The following NMNAT2 variants were observed in gnomAD, a reference collection of about 807,000 sequenced individuals.
NMNAT2 encodes the protein nicotinamide/nicotinic acid mononucleotide adenylyltransferase 2.
NMNAT2 carries 11 observed loss-of-function variants against 41.6 expected under a neutral mutation model. That is an observed-to-expected ratio of 0.26 (90% CI 0.17 to 0.44). The LOEUF is 0.44. NMNAT2 is among the 20% of genes least tolerant of loss of function. NMNAT2 has a pLI of 1.00. For missense variants in NMNAT2, 288 were observed against 407.7 expected, an observed-to-expected ratio of 0.71 and a Z score of 2.53; for synonymous variants, 148 against 151.2, an observed-to-expected ratio of 0.98 and a Z score of 0.16.
At chr1:183,405,628 T>G (rs780359839) in intron 1 of NMNAT2, among the ~76,000 whole-genome samples, 1 of 152,220 alleles carries the variant, frequency 6.6e-6, no homozygotes, top group Non-Finnish European at 1.5e-5. Flanking sequence ...AAACTAAGAC[T>G]TTAAGACATG....
chr1:183,341,748 C>CACAAAAAA (rs369432128), intron 1 of NMNAT2, among the ~76,000 whole-genome samples: 1 of 79,794 alleles, frequency 1.3e-5, no homozygotes, highest in African/African-American at 4.4e-5. Flanking sequence ...AAAAAAAAAA[C>CACAAAAAA]CTGTTTCCTT....
intron 1 of NMNAT2, among the ~76,000 whole-genome samples, chr1:183,353,162 G>A (rs535068131): frequency 1.1e-3 from 163 of 152,090 alleles, no homozygotes; most frequent in Non-Finnish European, 8.4e-4. Flanking sequence ...GCCTGCCATC[G>A]TGCCCGGCTA....
intron 7 of NMNAT2, among the ~76,000 whole-genome samples, chr1:183,278,897 C>T (rs1174012010): frequency 6.6e-6 from 1 of 152,158 alleles, no homozygotes; most frequent in Non-Finnish European, 1.5e-5. Context: ...ATCGACTGCC[C>T]TGGCTTTCCC....
intron 10 of NMNAT2, among the ~76,000 whole-genome samples, chr1:183,256,368 C>T (rs1229578209): frequency 6.6e-6 from 1 of 152,004 alleles, no homozygotes; most frequent in African/African-American, 2.4e-5. Context: ...GAGATTGTGC[C>T]ACTGCACTCC....
intron 1 of NMNAT2, among the ~76,000 whole-genome samples, chr1:183,374,156 C>A (rs926240668): frequency 1.3e-5 from 2 of 152,138 alleles, no homozygotes; most frequent in Non-Finnish European, 2.9e-5. Flanking sequence ...GGGTCTGAAC[C>A]AATTCCCTCT....
intron 8 of NMNAT2, among the ~76,000 whole-genome samples, chr1:183,265,721 C>T (rs543277173): frequency 6.6e-6 from 1 of 152,302 alleles, no homozygotes; most frequent in African/African-American, 2.4e-5. Context: ...CATGTCTGTC[C>T]TTTCTATACT....
chr1:183,343,487 A>G (rs913533480), intron 1 of NMNAT2, among the ~76,000 whole-genome samples: 16 of 152,132 alleles, frequency 1.1e-4, no homozygotes, highest in African/African-American at 3.9e-4. Context: ...TTTAAGTTCT[A>G]TGTTTGTTTT....
At chr1:183,349,620 G>A (rs1254209181) in intron 1 of NMNAT2, among the ~76,000 whole-genome samples, 2 of 152,252 alleles carry the variant, frequency 1.3e-5, no homozygotes, top group African/African-American at 4.8e-5. Flanking sequence ...TGCTGAGTGT[G>A]CTGTTGGCAC....
At position 183,275,036 on chromosome 1, in the gene NMNAT2, C is replaced by G. The variant is rs148814934; in HGVS notation, c.651+3517G>C. 5.3e-3 allele frequency among the ~76,000 whole-genome samples: 808 copies of G among 152,196 alleles called. 6 individuals are homozygous for G. The highest frequency in any genetic ancestry group is 8.9e-3 in the South Asian group (43 of 4,822). ...AGGCCTCCAGACTCAGCCAGGAGTTCCTGCCCCAGGTGGGTGTGGAGCAGG... is the reference window on the plus strand; with the variant it reads ...AGGCCTCCAGACTCAGCCAGGAGTTGCTGCCCCAGGTGGGTGTGGAGCAGG... On this transcript the variant is annotated intron_variant, in intron 8 of 10. Coordinates refer to ENST00000287713, the MANE Select transcript of NMNAT2 (RefSeq NM_015039.4).
At position 183,351,085 on chromosome 1, in the gene NMNAT2, C is replaced by T. The variant is rs532045988; in HGVS notation, c.86-57292G>A. On this transcript the variant is annotated intron_variant, in intron 1 of 10. Coordinates refer to ENST00000287713, the MANE Select transcript of NMNAT2 (RefSeq NM_015039.4). ...CATTCAGCATCTCTATCCTCTTCTTCAGTGCCTCATACTCCAGGTCTTATT... is the reference window on the plus strand; with the variant it reads ...CATTCAGCATCTCTATCCTCTTCTTTAGTGCCTCATACTCCAGGTCTTATT... Among the ~76,000 whole-genome samples, 7 of 152,338 alleles carry T rather than the reference C, an allele frequency of 4.6e-5. No individual in the cohort carries two copies. In the South Asian group the frequency reaches 1.4e-3, roughly 32 times the overall value.
Position 183,257,259 on chromosome 1 carries a change from A to T in NMNAT2, c.821+3743T>A, listed in dbSNP as rs190954786. ...AGTTCAAGACCAGCCTGGCCAACAT[A>T]GTAAAACCCTGTCTCTACCAAAAAT... is the stretch of plus-strand genomic sequence containing the variant. On this transcript the variant is annotated intron_variant, in intron 10 of 10. Transcript: ENST00000287713. Among the ~76,000 whole-genome samples, 69 of 151,976 alleles carry T rather than the reference A, an allele frequency of 4.5e-4. 1 individual carries two copies. The highest frequency in any genetic ancestry group is 1.7e-3 in the African/African-American group (69 of 41,466).
intron 1 of NMNAT2, among the ~76,000 whole-genome samples, chr1:183,303,796 G>A (rs1321412758): frequency 1.3e-5 from 2 of 152,214 alleles, no homozygotes. Context: ...TGATCCATAT[G>A]TGGGACCACA....
intron 1 of NMNAT2, among the ~76,000 whole-genome samples, chr1:183,359,182 G>A (rs1235441802): frequency 1.3e-5 from 2 of 152,006 alleles, no homozygotes; most frequent in African/African-American, 4.8e-5. Context: ...TTGCAGAAAT[G>A]TCCCTCCTTT....
At chr1:183,333,311 G>A (rs374890777) in intron 1 of NMNAT2, among the ~76,000 whole-genome samples, 3 of 152,180 alleles carry the variant, frequency 2.0e-5, no homozygotes, top group African/African-American at 7.2e-5. Flanking sequence ...CAGAATAACT[G>A]CCCCCATGAA....
intron 1 of NMNAT2, among the ~76,000 whole-genome samples, chr1:183,384,802 G>A (rs1282653325): frequency 6.6e-6 from 1 of 152,180 alleles, no homozygotes; most frequent in Non-Finnish European, 1.5e-5. Context: ...GAAGATTAAT[G>A]TCTGTGGTAT....
chr1:183,383,609 G>C (rs78437940), intron 1 of NMNAT2, among the ~76,000 whole-genome samples: 1,653 of 152,226 alleles, frequency 0.011, 22 homozygotes, highest in African/African-American at 0.038. Flanking sequence ...ATGTTTTACT[G>C]CTTAAAAATT....
At chr1:183,354,666 C>T (rs190176748) in intron 1 of NMNAT2, among the ~76,000 whole-genome samples, 26 of 152,262 alleles carry the variant, frequency 1.7e-4, no homozygotes, top group African/African-American at 5.8e-4. Flanking sequence ...ATCCTTCCAC[C>T]TCGGCCTCCG....
intron 1 of NMNAT2, among the ~76,000 whole-genome samples, chr1:183,367,137 GA>G (rs1663430768): frequency 1.3e-5 from 2 of 152,112 alleles, no homozygotes; most frequent in Admixed American, 6.6e-5. Flanking sequence ...ATGGTGCCTG[GA>G]TCACATCCAC....
chr1:183,330,737 T>C (rs570093984), intron 1 of NMNAT2, among the ~76,000 whole-genome samples: 1 of 152,200 alleles, frequency 6.6e-6, no homozygotes, highest in Non-Finnish European at 1.5e-5. Context: ...AAAATATATA[T>C]TTCTTTTGTC....
Sources: gnomAD v4.1 joint callset for allele counts (sites outside exome capture counted in the v4.1 genomes callset) on GRCh38, gnomAD v4.1.1 for gene constraint, MANE v1.5 for transcripts, NCBI Gene and HGNC (gene_info 2026-07-23, HGNC 2026-07-21) for gene names.